The following NR1H4 variants were observed in gnomAD, a reference collection of about 807,000 sequenced individuals.
NR1H4 encodes bile acid receptor.
NR1H4 carries 23 observed loss-of-function variants against 58.5 expected under a neutral mutation model. The ratio of observed to expected loss-of-function variants is 0.39; its 90% CI spans 0.28 to 0.56. NR1H4 has a LOEUF of 0.56. Ranked by LOEUF, NR1H4 falls within the 20% of genes least tolerant of loss-of-function variation. NR1H4 has a pLI of 0.58. For missense variants in NR1H4, 487 were observed against 576.9 expected (o/e 0.84, Z 1.60); for synonymous variants, 214 against 198.0 (o/e 1.08, Z -0.68).
chr12:100,553,933 T>A (rs1284265829), intron 9 of NR1H4, among the ~76,000 whole-genome samples: 1 of 152,226 alleles, frequency 6.6e-6, no homozygotes, highest in Admixed American at 6.5e-5. Context: ...CAAATTTCAC[T>A]GCTGTCCCTA....
rs529268292 is a variant in NR1H4, at chr12:100,547,024, T to G, written c.1078+6206T>G. Among the ~76,000 whole-genome samples the G allele has an allele frequency of 2.4e-3, 361 of 152,272 alleles. 4 individuals are homozygous for G. Among genetic ancestry groups the G allele is most frequent in the Non-Finnish European group, 3.8e-3 (258 of 68,006 alleles). On this transcript the variant is annotated intron_variant, in intron 9 of 10. Transcript: ENST00000392986. Reference sequence around the variant, plus strand: ...AACACTTCAGGTGGACCTCAGTACTTTCCATGTATCCCTTTTCTCTAGCCA... The same window carrying G: ...AACACTTCAGGTGGACCTCAGTACTGTCCATGTATCCCTTTTCTCTAGCCA...
chr12:100,560,657 T>C (rs2136322658), intron 9 of NR1H4, among the ~76,000 whole-genome samples: 1 of 152,292 alleles, frequency 6.6e-6, no homozygotes. Context: ...CGCGGCTTCA[T>C]TCTTGAAGTC....
chr12:100,512,429 C>T (rs1954143901), intron 4 of NR1H4, among the ~76,000 whole-genome samples: 1 of 152,048 alleles, frequency 6.6e-6, no homozygotes, highest in Non-Finnish European at 1.5e-5. Context: ...ATCATGAGGT[C>T]AGGAGAATGA....
At chr12:100,543,517 A>C (rs1197199419) in intron 9 of NR1H4, among the ~76,000 whole-genome samples, 1 of 152,024 alleles carries the variant, frequency 6.6e-6, no homozygotes, top group Non-Finnish European at 1.5e-5. Flanking sequence ...CTTTTGAAAG[A>C]CATTATGTTG....
At chr12:100,475,853 AGCC>A (rs1953257982) in intron 1 of NR1H4, among the ~76,000 whole-genome samples, 1 of 152,232 alleles carries the variant, frequency 6.6e-6, no homozygotes, top group Admixed American at 6.5e-5. Flanking sequence ...CTCCTGCCTC[AGCC>A]TCCTGAGTAG....
chr12:100,547,622 T>C (rs1020430676), intron 9 of NR1H4, among the ~76,000 whole-genome samples: 1 of 152,176 alleles, frequency 6.6e-6, no homozygotes, highest in East Asian at 1.9e-4. Context: ...GGGGCTCCCA[T>C]GATTTCTGGC....
At chr12:100,475,881 G>T (rs574910378) in intron 1 of NR1H4, among the ~76,000 whole-genome samples, 215 of 152,150 alleles carry the variant, frequency 1.4e-3, no homozygotes, top group Non-Finnish European at 2.5e-3. Context: ...TACTACAGGC[G>T]TGCACCACCA....
chr12:100,530,935 A>C, intron 4 of NR1H4, among the ~76,000 whole-genome samples: 1 of 152,214 alleles, frequency 6.6e-6, no homozygotes, highest in East Asian at 1.9e-4. Flanking sequence ...GTTGAAAGGC[A>C]GGAAGCCGGG....
chr12:100,524,051 C>T (rs990030573), intron 4 of NR1H4, among the ~76,000 whole-genome samples: 5 of 152,076 alleles, frequency 3.3e-5, no homozygotes, highest in Non-Finnish European at 7.4e-5. Flanking sequence ...GGAATATGAA[C>T]TGACATTTCA....
chr12:100,551,548 A>G (rs1004637496), intron 9 of NR1H4, among the ~76,000 whole-genome samples: 3 of 152,250 alleles, frequency 2.0e-5, no homozygotes, highest in African/African-American at 4.8e-5. Flanking sequence ...GAAAGTGGTC[A>G]CATGCTAACT....
chr12:100,482,766 A>T (rs1409199690), intron 1 of NR1H4, among the ~76,000 whole-genome samples: 1 of 152,076 alleles, frequency 6.6e-6, no homozygotes, highest in African/African-American at 2.4e-5. Context: ...TTAAGAAGAC[A>T]TTCACTTCCA....
chr12:100,560,987 T>C (rs1161632568), intron 9 of NR1H4, among the ~76,000 whole-genome samples: 3 of 151,880 alleles, frequency 2.0e-5, no homozygotes, highest in African/African-American at 7.2e-5. Flanking sequence ...GTGGGGGAGC[T>C]TAGTTCTGTG....
intron 4 of NR1H4, among the ~76,000 whole-genome samples, chr12:100,530,283 T>C (rs778926455): frequency 5.9e-5 from 9 of 152,198 alleles, no homozygotes; most frequent in Non-Finnish European, 1.2e-4. Context: ...CATGTGATCA[T>C]GGCCAAGATA....
intron 3 of NR1H4, among the ~76,000 whole-genome samples, chr12:100,495,043 A>C (rs1487243769): frequency 6.6e-6 from 1 of 152,214 alleles, no homozygotes; most frequent in Admixed American, 6.5e-5. Context: ...ATAAGGTGAA[A>C]AAGATGCCAG....
chr12:100,532,499 T>G lies in NR1H4; in HGVS notation c.487T>G (p.Cys163Gly). Residue 163 changes from cysteine to glycine, a missense_variant, in exon 5 of 11, where the codon TGT becomes GGT. Physicochemically the swap from Cys to Gly is radical, Grantham distance 159. Transcript: ENST00000392986. ...CATTACCAAAAACGCTGTGTACAAG[T>G]GTAAAAACGGGGGCAACTGTGTGAT... ...RSITKNAVYK[C>G]KNGGNCVMDM... 1 of 1,614,118 alleles carries G rather than the reference T, an allele frequency of 6.2e-7. No homozygotes were observed.
chr12:100,539,082 T>C (rs1325790198), intron 8 of NR1H4, among the ~76,000 whole-genome samples: 1 of 152,192 alleles, frequency 6.6e-6, no homozygotes, highest in East Asian at 1.9e-4. Flanking sequence ...ACCTTATTCA[T>C]AAGAAGGTAG....
intron 9 of NR1H4, among the ~76,000 whole-genome samples, chr12:100,554,798 G>T (rs1474706225): frequency 6.6e-6 from 1 of 152,140 alleles, no homozygotes; most frequent in East Asian, 1.9e-4. Context: ...ACAGGAAAAG[G>T]CTGTCCCCTT....
intron 9 of NR1H4, among the ~76,000 whole-genome samples, chr12:100,548,170 A>G (rs1955121948): frequency 2.0e-5 from 3 of 149,860 alleles, no homozygotes; most frequent in African/African-American, 4.9e-5. Context: ...GATTGAGACC[A>G]TCCTGGCTAA....
intron 3 of NR1H4, among the ~76,000 whole-genome samples, chr12:100,495,794 T>A (rs1204102066): frequency 1.3e-5 from 2 of 151,504 alleles, no homozygotes; most frequent in Admixed American, 6.6e-5. Flanking sequence ...ACGAAGAAAA[T>A]TTTGATTCCT....
Sources: gnomAD v4.1 joint callset for allele counts (sites outside exome capture counted in the v4.1 genomes callset) on GRCh38, gnomAD v4.1.1 for gene constraint, MANE v1.5 for transcripts, NCBI Gene and HGNC (gene_info 2026-07-23, HGNC 2026-07-21) for gene names.